Variants in CLIP2 observed in about 807,000 individuals in gnomAD.
CLIP2 encodes the protein CAP-Gly domain containing linker protein 2.
A neutral mutation model predicts 111.7 loss-of-function variants in CLIP2; 41 were observed. The ratio of observed to expected loss-of-function variants is 0.37; its 90% CI spans 0.29 to 0.48. The LOEUF is 0.48. CLIP2 is among the 20% of genes least tolerant of loss of function. The pLI is 0.99. For synonymous variants in CLIP2, 660 were observed against 644.2 expected (o/e 1.02, Z -0.37); for missense variants, 1,160 against 1,422.1 (o/e 0.82, Z 2.96).
At chr7:74,316,145 T>C (rs1554729128) in intron 1 of CLIP2, among the ~76,000 whole-genome samples, 1 of 151,862 alleles carries the variant, frequency 6.6e-6, no homozygotes, top group Non-Finnish European at 1.5e-5. Flanking sequence ...TGGTTTTCTT[T>C]TCCTGTGTTA....
chr7:74,342,455 T>C (rs4717134), intron 3 of CLIP2, among the ~76,000 whole-genome samples: 127,778 of 151,998 alleles, frequency 0.84, 54,000 homozygotes, highest in African/African-American at 0.93. Context: ...AAAGATCACA[T>C]CCCAGAGGCT....
intron 2 of CLIP2, among the ~76,000 whole-genome samples, chr7:74,335,836 G>A (rs1554732031): frequency 2.0e-5 from 3 of 150,146 alleles, no homozygotes; most frequent in South Asian, 2.1e-4. Flanking sequence ...TCCGACTTCC[G>A]GGTTCATGCC....
chr7:74,355,626 C>G (rs1230313259), intron 4 of CLIP2, among the ~76,000 whole-genome samples: 1 of 152,120 alleles, frequency 6.6e-6, no homozygotes, highest in Non-Finnish European at 1.5e-5. Context: ...AAGAAAAAAA[C>G]TGGATGGGCC....
intron 1 of CLIP2, among the ~76,000 whole-genome samples, chr7:74,305,277 T>C (rs1788447626): frequency 6.6e-6 from 1 of 150,622 alleles, no homozygotes; most frequent in African/African-American, 2.4e-5. Context: ...TGCATTTTCC[T>C]GTTCCTGGGG....
chr7:74,356,274 G>T, intron 4 of CLIP2, 136 bp from the exon 5 acceptor site: 4 of 726,176 alleles, frequency 5.5e-6, no homozygotes, highest in Non-Finnish European at 4.9e-6. Flanking sequence ...TTTCCACCTT[G>T]GAGTGTCTTT....
chr7:74,328,955 C>T (rs1407801645), intron 2 of CLIP2, among the ~76,000 whole-genome samples: 1 of 150,928 alleles, frequency 6.6e-6, no homozygotes, highest in African/African-American at 2.4e-5. Flanking sequence ...TTCTGTCGCC[C>T]AGGCTGGAGT....
chr7:74,344,485 G>C (rs924995412), intron 3 of CLIP2, among the ~76,000 whole-genome samples: 6 of 152,084 alleles, frequency 3.9e-5, no homozygotes, highest in East Asian at 1.9e-4. Flanking sequence ...AGGCTCAAGC[G>C]ATCCTCCTGC....
Position 74,348,617 on chromosome 7 carries a change from G to A in CLIP2, c.679-5263G>A, listed in dbSNP as rs557830466. ...ATCCTGGCTAACACGGTGAAACCCC[G>A]TCTCTACTAAAAATACAAAAAAATT... is the stretch of plus-strand genomic sequence containing the variant. On this transcript the variant is annotated intron_variant, in intron 3 of 16. Coordinates refer to ENST00000223398, the MANE Select transcript of CLIP2 (RefSeq NM_003388.5). 8.6e-5 allele frequency among the ~76,000 whole-genome samples: 13 copies of A among 151,788 alleles called. No homozygotes were observed. In the East Asian group the frequency reaches 1.4e-3, roughly 16 times the overall value.
chr7:74,394,544 C>G (rs1008690609), intron 13 of CLIP2, among the ~76,000 whole-genome samples: 1 of 152,192 alleles, frequency 6.6e-6, no homozygotes, highest in Non-Finnish European at 1.5e-5. Context: ...GCCACCGCCC[C>G]GGGCCCAGCA....
At chr7:74,365,756 CT>C (rs1394979255) in intron 8 of CLIP2, among the ~76,000 whole-genome samples, 1 of 151,958 alleles carries the variant, frequency 6.6e-6, no homozygotes, top group Non-Finnish European at 1.5e-5. Flanking sequence ...CATCCCCACC[CT>C]TTTTTTTCTT....
intron 1 of CLIP2, among the ~76,000 whole-genome samples, chr7:74,314,685 G>A (rs1265053717): frequency 6.6e-6 from 1 of 152,214 alleles, no homozygotes; most frequent in Non-Finnish European, 1.5e-5. Context: ...CCCATTGGAC[G>A]GTGCTCCCCA....
intron 2 of CLIP2, among the ~76,000 whole-genome samples, chr7:74,326,782 A>G (rs918760355): frequency 1.3e-5 from 2 of 149,668 alleles, no homozygotes; most frequent in Non-Finnish European, 3.0e-5. Flanking sequence ...GATTACAGGC[A>G]TGTGCCACCA....
chr7:74,360,959 G>A (rs575936476), intron 7 of CLIP2, among the ~76,000 whole-genome samples: 14 of 152,184 alleles, frequency 9.2e-5, no homozygotes, highest in African/African-American at 2.9e-4. Context: ...CACACCAGGT[G>A]TCCCTGGGGA....
intron 3 of CLIP2, among the ~76,000 whole-genome samples, chr7:74,340,415 C>T (rs1464220053): frequency 1.3e-5 from 2 of 152,050 alleles, no homozygotes; most frequent in Non-Finnish European, 2.9e-5. Context: ...ATAATAATAA[C>T]AGTGGTAATG....
rs781834378 is a variant in CLIP2 at position 74,360,237 on chromosome 7, A to G, written c.1278A>G (p.Lys426=). 3.7e-6 allele frequency: 6 copies of G among 1,607,360 alleles called. No homozygotes were observed. The East Asian group carries it at 6.7e-5, about 18-fold the overall frequency. Residue 426 remains lysine (K), a synonymous_variant, in exon 7 of 17, where the codon AAA becomes AAG. Transcript: ENST00000223398. The stretch of plus-strand genomic sequence containing the variant: ...GGCTGCTCGTGGAGAGCGTGCGGAA[A>G]GAGAAGGTGGACCTGTCCAACCAGC... The part of the protein sequence containing the change: ...RARLLVESVR[K]EKVDLSNQLE...
chr7:74,389,451 A>C (rs1300437397), intron 13 of CLIP2, 192 bp downstream of exon 13: 1 of 536,020 alleles, frequency 1.9e-6, no homozygotes, highest in African/African-American at 2.0e-5. Context: ...CTGTTTTCCA[A>C]GCAGAGCTTA....
chr7:74,401,634 A>G (rs1791623696), intron 16 of CLIP2, 67 bp downstream of exon 16: 1 of 1,463,408 alleles, frequency 6.8e-7, no homozygotes, highest in East Asian at 2.3e-5. Context: ...AAAATCCTTG[A>G]AACGTCACTA....
At chr7:74,388,303 G>A (rs1338437445) in intron 12 of CLIP2, among the ~76,000 whole-genome samples, 3 of 151,998 alleles carry the variant, frequency 2.0e-5, no homozygotes, top group African/African-American at 7.2e-5. Context: ...TGGCACTCCA[G>A]CCTGGCAGCG....
chr7:74,396,574 G>A (rs1554316708), intron 13 of CLIP2, among the ~76,000 whole-genome samples: 1 of 152,056 alleles, frequency 6.6e-6, no homozygotes, highest in East Asian at 1.9e-4. Context: ...AGGCTGGAGT[G>A]CAATGGCACG....
Sources: gnomAD v4.1 joint callset for allele counts (sites outside exome capture counted in the v4.1 genomes callset) on GRCh38, gnomAD v4.1.1 for gene constraint, MANE v1.5 for transcripts, NCBI Gene and HGNC (gene_info 2026-07-23, HGNC 2026-07-21) for gene names.